Variants in LARP1 observed in about 807,000 individuals in gnomAD.
The protein encoded by LARP1 is la-related protein 1.
LARP1 carries 36 observed loss-of-function variants against 122.7 expected under a neutral mutation model. That is an observed-to-expected ratio of 0.29 (90% CI 0.22 to 0.39). The LOEUF is 0.39. Ranked by LOEUF, LARP1 falls within the 10% of genes least tolerant of loss-of-function variation. The pLI is 1.00. For synonymous variants in LARP1, 539 were observed against 528.7 expected (o/e 1.02, Z -0.27); for missense variants, 1,040 against 1,403.6 (o/e 0.74, Z 4.14).
chr5:154,716,394 T>C (rs1755511693), intron 1 of LARP1, among the ~76,000 whole-genome samples: 1 of 152,112 alleles, frequency 6.6e-6, no homozygotes, highest in Non-Finnish European at 1.5e-5. Flanking sequence ...GTGCTAGGAT[T>C]ACAGGCATAA....
chr5:154,722,676 AG>A (rs1335722606), intron 1 of LARP1, among the ~76,000 whole-genome samples: 2 of 119,024 alleles, frequency 1.7e-5, no homozygotes, highest in African/African-American at 3.3e-5. Context: ...CATCTTTCCT[AG>A]GTTTTTTTTT....
intron 1 of LARP1, among the ~76,000 whole-genome samples, chr5:154,759,074 G>T (rs1343136353): frequency 6.6e-6 from 1 of 152,328 alleles, no homozygotes; most frequent in East Asian, 1.9e-4. Flanking sequence ...AACTGAGTGG[G>T]TTCAAATGCC....
chr5:154,719,544 T>C (rs1318453461), intron 1 of LARP1, among the ~76,000 whole-genome samples: 2 of 152,184 alleles, frequency 1.3e-5, no homozygotes, highest in African/African-American at 4.8e-5. Context: ...TATTAGTACA[T>C]TAAAAATGAA....
chr5:154,728,333 G>A (rs1380342838), intron 1 of LARP1, among the ~76,000 whole-genome samples: 2 of 152,162 alleles, frequency 1.3e-5, no homozygotes, highest in Non-Finnish European at 2.9e-5. Flanking sequence ...CCTTTGTAGT[G>A]TGACTTTGCC....
chr5:154,754,588 G>C (rs1753680361), upstream of LARP1, among the ~76,000 whole-genome samples: 1 of 152,258 alleles, frequency 6.6e-6, no homozygotes, highest in Non-Finnish European at 1.5e-5. Flanking sequence ...TTCGCGGCGG[G>C]GAGAAGGGCC....
intron 1 of LARP1, among the ~76,000 whole-genome samples, chr5:154,748,327 G>T (rs1229170542): frequency 6.6e-6 from 1 of 152,178 alleles, no homozygotes; most frequent in Admixed American, 6.5e-5. Flanking sequence ...AAGACTGAGG[G>T]CTTGTTCTGT....
chr5:154,809,173 G>A (rs1160950470), intron 16 of LARP1, among the ~76,000 whole-genome samples: 1 of 151,710 alleles, frequency 6.6e-6, no homozygotes, highest in Non-Finnish European at 1.5e-5. Flanking sequence ...AAAAAACCTT[G>A]AGTCCTTTTT....
Position 154,802,139 on chromosome 5 carries a change from G to A in LARP1, c.1849G>A (p.Asp617Asn), listed in dbSNP as rs1328603358. Residue 617 changes from aspartate to asparagine, a missense_variant, in exon 11 of 19, where the codon GAT becomes AAT. Physicochemically the swap from Asp to Asn is conservative, Grantham distance 23. This residue lies in a region of LARP1 where 362 missense variants were observed against 533.1 expected (regional missense o/e 0.68). Transcript: ENST00000518297. The surrounding 1 kb of genome is among the most constrained non-coding windows in gnomAD (Gnocchi z 5.1). The stretch of plus-strand genomic sequence containing the variant: ...GTTTGACGAGGAGATGGAGCAGATG[G>A]ATGGGCGGAAGAACACCTTCACTGC... The part of the protein sequence containing the change: ...FLFDEEMEQM[D>N]GRKNTFTAWS... 13 of 1,614,062 alleles carry A rather than the reference G, an allele frequency of 8.1e-6. No homozygotes were observed. The highest frequency in any genetic ancestry group is 1.1e-5 in the Non-Finnish European group (13 of 1,180,036).
At chr5:154,789,650 ATT>A (rs1334412159) in intron 1 of LARP1, among the ~76,000 whole-genome samples, 9 of 152,128 alleles carry the variant, frequency 5.9e-5, no homozygotes, top group Non-Finnish European at 2.9e-5. Context: ...TTTGTTTTCC[ATT>A]TTTTGAAGTT....
intron 1 of LARP1, among the ~76,000 whole-genome samples, chr5:154,746,673 C>G (rs957915755): frequency 6.6e-6 from 1 of 152,174 alleles, no homozygotes; most frequent in African/African-American, 2.4e-5. Flanking sequence ...TCCATGAAAG[C>G]CCTTTGGAAA....
At chr5:154,722,230 C>T (rs1755917181) in intron 1 of LARP1, among the ~76,000 whole-genome samples, 1 of 152,204 alleles carries the variant, frequency 6.6e-6, no homozygotes, top group South Asian at 2.1e-4. Flanking sequence ...CCCGCCCTCT[C>T]CCTTTTTCCA....
At chr5:154,747,254 T>C (rs181638366) in intron 1 of LARP1, among the ~76,000 whole-genome samples, 38 of 148,062 alleles carry the variant, frequency 2.6e-4, no homozygotes, top group Admixed American at 2.0e-3. Context: ...TGCAGTGAGT[T>C]GACATGGTGC....
chr5:154,798,694 A>C (rs1476049932), intron 8 of LARP1, among the ~76,000 whole-genome samples: 2 of 151,986 alleles, frequency 1.3e-5, no homozygotes, highest in East Asian at 3.9e-4. Flanking sequence ...GAGTCTCGCT[A>C]TTTTGCTCAG....
intron 1 of LARP1, among the ~76,000 whole-genome samples, chr5:154,720,344 C>T (rs1225806147): frequency 2.0e-5 from 3 of 152,078 alleles, no homozygotes; most frequent in Non-Finnish European, 4.4e-5. Flanking sequence ...TGGGTCATTG[C>T]CTACATTTAT....
chr5:154,790,024 C>G (rs1162486562), intron 1 of LARP1, among the ~76,000 whole-genome samples: 1 of 152,216 alleles, frequency 6.6e-6, no homozygotes, highest in Non-Finnish European at 1.5e-5. Flanking sequence ...GCCTCAGTCT[C>G]TGTTACGGAA....
rs1040067052 is a variant in LARP1, at chr5:154,793,874, G to T, written c.943G>T (p.Ala315Ser). ...AWQPEIKPEP[A>S]WHDQDETSSV... Reference sequence around the variant, plus strand: ...GCAACCAGAGATCAAACCGGAGCCTGCCTGGCACGACCAGGATGAGACATC... The same window carrying T: ...GCAACCAGAGATCAAACCGGAGCCTTCCTGGCACGACCAGGATGAGACATC... Residue 315 changes from alanine (A) to serine (S), a missense_variant, in exon 6 of 19, where the codon GCC (alanine) becomes TCC (serine). Around this residue, in one of 8 missense-constraint regions of LARP1, gnomAD observed 178 missense variants for 178.3 expected, o/e 1.00. Coordinates refer to ENST00000518297, the MANE Select transcript of LARP1 (RefSeq NM_033551.3). 3.7e-6 allele frequency: 6 copies of T among 1,614,068 alleles called. No individual in the cohort carries two copies. The highest frequency in any genetic ancestry group is 5.1e-6 in the Non-Finnish European group (6 of 1,180,032).
At chr5:154,745,138 G>C (rs1753122072) in intron 1 of LARP1, among the ~76,000 whole-genome samples, 1 of 150,700 alleles carries the variant, frequency 6.6e-6, no homozygotes, top group Admixed American at 6.6e-5. Context: ...ATGTTAGCCA[G>C]GATGGTCTCG....
At chr5:154,743,722 C>T (rs555369557) in intron 1 of LARP1, among the ~76,000 whole-genome samples, 1 of 152,080 alleles carries the variant, frequency 6.6e-6, no homozygotes, top group South Asian at 2.1e-4. Flanking sequence ...CGAGTTCAAG[C>T]GATTCTCCTG....
At chr5:154,798,532 G>GT (rs1177820311) in intron 8 of LARP1, among the ~76,000 whole-genome samples, 1 of 152,040 alleles carries the variant, frequency 6.6e-6, no homozygotes, top group African/African-American at 2.4e-5. Flanking sequence ...TGTTTTGGTT[G>GT]TTTTTTTGAG....
Sources: allele counts gnomAD v4.1 joint callset (sites outside exome capture counted in the v4.1 genomes callset), GRCh38; gene constraint gnomAD v4.1.1; regional missense constraint gnomAD v4.1.1; non-coding constraint Gnocchi (gnomAD v3.1); transcripts MANE v1.5; gene names NCBI Gene and HGNC (gene_info 2026-07-23, HGNC 2026-07-21).